Variants in MYOM3 observed in about 807,000 individuals in gnomAD.
The protein encoded by MYOM3 is myomesin 3.
Under a neutral mutation model 191.7 loss-of-function variants are expected in MYOM3, and 155 were observed. The ratio of observed to expected loss-of-function variants is 0.81; its 90% CI spans 0.71 to 0.92. MYOM3 has a LOEUF of 0.92. MYOM3 is among the 40% of genes least tolerant of loss of function. The pLI is 0.00. For missense variants in MYOM3, 1,889 were observed against 1,890.6 expected, an observed-to-expected ratio of 1.00 and a Z score of 0.02; for synonymous variants, 757 against 762.9, an observed-to-expected ratio of 0.99 and a Z score of 0.13.
chr1:24,084,292 C>G, intron 16 of MYOM3, 176 bp downstream of exon 16: 1 of 644,674 alleles, frequency 1.6e-6, no homozygotes, highest in Non-Finnish European at 2.7e-6. Flanking sequence ...GCTTCCTTCC[C>G]CCTCGCCTTC....
rs759562584 is a variant in MYOM3 at position 24,082,583 on chromosome 1, T to C, written c.2092+10A>G. Reference sequence around the variant, plus strand: ...GGAGGTTTGCAGGCTGGACCTGCCCTTGGACTCACCCAGAGCCTGCTTGAC... The same window carrying C: ...GGAGGTTTGCAGGCTGGACCTGCCCCTGGACTCACCCAGAGCCTGCTTGAC... On this transcript the variant is annotated intron_variant, in intron 17 of 36. Coordinates refer to ENST00000374434, the MANE Select transcript of MYOM3 (RefSeq NM_152372.4). 6 of 1,590,476 alleles carry C rather than the reference T, an allele frequency of 3.8e-6. No individual in the cohort carries two copies. The South Asian group carries it at 6.9e-5, about 18-fold the overall frequency.
At chr1:24,081,863 T>A in intron 18 of MYOM3, 138 bp downstream of exon 18, 1 of 871,578 alleles carries the variant, frequency 1.1e-6, no homozygotes, top group Non-Finnish European at 1.8e-6. Context: ...GGGTCTGCAC[T>A]GGAAAATGAT....
Position 24,095,460 on chromosome 1 carries a change from C to G in MYOM3, c.772G>C (p.Asp258His), listed in dbSNP as rs4319261. ...RTYLGKDAGF[D>H]SEIFKRSTFG... ...GACTTACTTTTGAAGATCTCTGAATCGAAGCCAGCATCCTTCCCCAGGTAA... is the reference window on the plus strand; with the variant it reads ...GACTTACTTTTGAAGATCTCTGAATGGAAGCCAGCATCCTTCCCCAGGTAA... Residue 258 changes from aspartate (D) to histidine (H), a missense_variant, in exon 8 of 37, where the codon GAT becomes CAT. Physicochemically the swap from Asp to His is moderately conservative, Grantham distance 81. Transcript: ENST00000374434. 727,479 of 1,609,724 alleles carry G rather than the reference C, an allele frequency of 0.45. 168,691 individuals are homozygous for G. Among genetic ancestry groups the G allele is most frequent in the African/African-American group, 0.52 (38,896 of 74,692 alleles).
Position 24,062,988 on chromosome 1 carries a change from C to A in MYOM3, c.3770+138G>T, listed in dbSNP as rs915940111. ...CAGGAAGAGACTCTGTCTCTGCTAA[C>A]CCCTGGGACCAGGCTCTGCTTGGGG... On this transcript the variant is annotated intron_variant, in intron 32 of 36. Coordinates refer to ENST00000374434, the MANE Select transcript of MYOM3 (RefSeq NM_152372.4). The A allele has an allele frequency of 6.3e-5, 40 of 630,038 alleles. No individual in the cohort carries two copies. In the Admixed American group the frequency reaches 9.8e-4, roughly 15 times the overall value. The allele number at this position is 630,038 out of a possible 1,614,324, so 39.0% of individuals were successfully genotyped here. A position where few individuals can be genotyped will look rare whatever the true frequency, so the allele number is the denominator to read the frequency against.
At chr1:24,060,910 C>T in intron 35 of MYOM3, 150 bp downstream of exon 35, 2 of 836,832 alleles carry the variant, frequency 2.4e-6, no homozygotes, top group Middle Eastern at 5.7e-4. Context: ...TCTGTCTTGC[C>T]CAGGTCTTCC....
chr1:24,067,308 C>CT (rs1447167055), intron 27 of MYOM3, among the ~76,000 whole-genome samples: 11 of 119,446 alleles, frequency 9.2e-5, no homozygotes, highest in Admixed American at 3.3e-4. Flanking sequence ...TTCTTTCCTT[C>CT]TTTCTTTCTT....
intron 26 of MYOM3, 67 bp from the exon 27 acceptor site, chr1:24,068,096 G>T: frequency 6.3e-7 from 1 of 1,588,692 alleles, no homozygotes; most frequent in Non-Finnish European, 8.6e-7. Flanking sequence ...GGGACATGGG[G>T]TGGACAGAAG....
chr1:24,096,863 A>G (rs190192907), intron 7 of MYOM3, among the ~76,000 whole-genome samples: 17 of 152,154 alleles, frequency 1.1e-4, no homozygotes, highest in Non-Finnish European at 1.5e-4. Flanking sequence ...GGTCATGGGA[A>G]TGGGTACCAC....
chr1:24,095,292 C>G, intron 8 of MYOM3, 150 bp downstream of exon 8: 2 of 773,532 alleles, frequency 2.6e-6, no homozygotes, highest in Non-Finnish European at 4.3e-6. Context: ...CTTTAGAAGT[C>G]AGGTGCAGGT....
rs1028673446 is a variant in MYOM3 at position 24,086,654 on chromosome 1, C to A, written c.1788G>T (p.Arg596=). ...GCATCAGGAGGGTACCTGGCGGGCC[C>A]CGCAAGGCGATGGGTTCGCTGGGCT... ...PSEPSEPIAL[R]GPPATLPPPA... is the part of the protein sequence containing the mutation. The change falls in exon 15 of 37, where the codon CGG becomes CGT. Residue 596 remains arginine (R), a synonymous_variant. Coordinates refer to ENST00000374434, the MANE Select transcript of MYOM3 (RefSeq NM_152372.4). 2 of 1,613,756 alleles carry A rather than the reference C, an allele frequency of 1.2e-6. No homozygotes were observed. Among genetic ancestry groups the A allele is most frequent in the African/African-American group, 2.7e-5 (2 of 74,926 alleles).
At chr1:24,078,628 G>T (rs1194810708) in intron 20 of MYOM3, among the ~76,000 whole-genome samples, 1 of 152,174 alleles carries the variant, frequency 6.6e-6, no homozygotes, top group African/African-American at 2.4e-5. Flanking sequence ...CAGGAAAATG[G>T]GCTGGAGAAA....
intron 10 of MYOM3, 66 bp downstream of exon 10, chr1:24,092,881 C>T: frequency 7.1e-7 from 1 of 1,399,132 alleles, no homozygotes. Flanking sequence ...GGTTCCACAG[C>T]AAACAAGGGG....
intron 9 of MYOM3, 42 bp from the exon 10 acceptor site, chr1:24,093,150 C>T (rs746853012): frequency 9.0e-6 from 13 of 1,438,944 alleles, no homozygotes; most frequent in South Asian, 7.0e-5. Flanking sequence ...TGTGGGGGGT[C>T]CTGGTCTCAC....
intron 20 of MYOM3, among the ~76,000 whole-genome samples, chr1:24,078,226 T>C (rs1221711046): frequency 6.6e-6 from 1 of 151,968 alleles, no homozygotes; most frequent in African/African-American, 2.4e-5. Flanking sequence ...GTGATTCTCC[T>C]GCCTCAGCCT....
At chr1:24,100,112 G>A (rs886294524) in intron 5 of MYOM3, among the ~76,000 whole-genome samples, 9 of 151,950 alleles carry the variant, frequency 5.9e-5, no homozygotes, top group Admixed American at 5.9e-4. Flanking sequence ...CAGGTGATCC[G>A]CCCGCCTCAG....
Position 24,107,979 on chromosome 1 carries a change from C to A in MYOM3, c.242+14G>T. On this transcript the variant is annotated intron_variant, in intron 3 of 36. Transcript: ENST00000374434. The stretch of plus-strand genomic sequence containing the variant: ...TCCTCAGCCACGGCTCCCTGGGAAG[C>A]TTCTCTGACTCACCAAGACAGCTCG... The A allele has an allele frequency of 1.9e-6, 3 of 1,610,042 alleles. No homozygotes were observed. The highest frequency in any genetic ancestry group is 8.5e-7 in the Non-Finnish European group (1 of 1,178,160).
At chr1:24,104,889 C>T (rs1643969417) in intron 5 of MYOM3, among the ~76,000 whole-genome samples, 1 of 152,172 alleles carries the variant, frequency 6.6e-6, no homozygotes, top group Non-Finnish European at 1.5e-5. Context: ...AGATGACACC[C>T]TCAGTAAATA....
At chr1:24,070,248 C>G (rs1268269201) in intron 25 of MYOM3, among the ~76,000 whole-genome samples, 2 of 152,074 alleles carry the variant, frequency 1.3e-5, no homozygotes, top group Non-Finnish European at 2.9e-5. Flanking sequence ...AAATCAGAAG[C>G]TATTCTGTAC....
rs1294970571 is a variant in MYOM3, at chr1:24,067,342, T to TTC, written c.3356-256_3356-255dup. On this transcript the variant is annotated intron_variant, in intron 27 of 36. Transcript: ENST00000374434. ...TTTCTTTCCTTCTTTCTTTCTTTCT[T>TTC]TCTTTCTTTCTTTCTTTCTTTCTTT... Among the ~76,000 whole-genome samples the TTC allele has an allele frequency of 9.4e-4, 71 of 75,776 alleles. 4 individuals carry two copies. The highest frequency in any genetic ancestry group is 1.6e-3 in the South Asian group (4 of 2,464). The allele number at this position is 75,776 out of a possible 152,430, so 49.7% of individuals were successfully genotyped here.
Sources: allele counts gnomAD v4.1 joint callset (sites outside exome capture counted in the v4.1 genomes callset), GRCh38; gene constraint gnomAD v4.1.1; transcripts MANE v1.5; gene names NCBI Gene and HGNC (gene_info 2026-07-23, HGNC 2026-07-21).